PCDHGA1: variants seen among roughly 807,000 people sequenced by gnomAD.
PCDHGA1 encodes protocadherin gamma subfamily A, 1, also known as protocadherin gamma-A1.
A neutral mutation model predicts 58.0 loss-of-function variants in PCDHGA1; 32 were observed. The ratio of observed to expected loss-of-function variants is 0.55; its 90% CI spans 0.42 to 0.74. PCDHGA1 has a LOEUF of 0.74. Ranked by LOEUF, PCDHGA1 falls within the 30% of genes least tolerant of loss-of-function variation. PCDHGA1 has a pLI of 0.00. For missense variants in PCDHGA1, 1,205 were observed against 1,182.3 expected (o/e 1.02, Z -0.28); for synonymous variants, 498 against 501.1 (o/e 0.99, Z 0.08).
rs754225999 is a variant in PCDHGA1, at chr5:141,489,509, T to C, written c.2422-5298T>C. The C allele has an allele frequency of 1.2e-6, 2 of 1,614,062 alleles. No homozygotes were observed. The highest frequency in any genetic ancestry group is 1.1e-5 in the South Asian group (1 of 91,074). On this transcript the variant is annotated intron_variant, in intron 1 of 3. Coordinates refer to ENST00000517417, the MANE Select transcript of PCDHGA1 (RefSeq NM_018912.3). The surrounding 1 kb of genome is among the most constrained non-coding windows in gnomAD (Gnocchi z 4.5). ...GGTGCCCTGGCAGTGAATCAAAAGA[T>C]TGACCGAGAAAGCCTATGTGGAGCC...
chr5:141,409,706 T>A, intron 1 of PCDHGA1: 1 of 1,613,210 alleles, frequency 6.2e-7, no homozygotes, highest in Non-Finnish European at 8.5e-7. Context: ...CCTGGCGGTG[T>A]CGTCATACGT....
intron 2 of PCDHGA1, among the ~76,000 whole-genome samples, chr5:141,504,999 T>C (rs1278633184): frequency 6.6e-6 from 1 of 152,000 alleles, no homozygotes; most frequent in African/African-American, 2.4e-5. Context: ...CCGTCTGTAC[T>C]AAAAATACAA....
intron 1 of PCDHGA1, chr5:141,390,317 C>T: frequency 1.2e-6 from 2 of 1,610,390 alleles, no homozygotes; most frequent in Non-Finnish European, 1.7e-6. Context: ...ATGCTCATTG[C>T]CTACCCATTT....
Position 141,432,058 on chromosome 5 carries a change from C to T in PCDHGA1, c.2422-62749C>T, listed in dbSNP as rs2097444209. On this transcript the variant is annotated intron_variant, in intron 1 of 3. Coordinates refer to ENST00000517417, the MANE Select transcript of PCDHGA1 (RefSeq NM_018912.3). The surrounding 1 kb of genome is among the most constrained non-coding windows in gnomAD (Gnocchi z 6.0). ...CTGACCGGGGAACCCCGCCCCTATC[C>T]ACGGAAACTCATATCTCGCTGAACG... 1 of 1,614,210 alleles carries T rather than the reference C, an allele frequency of 6.2e-7. No individual in the cohort carries two copies.
In PCDHGA1 at chr5:141,360,245, T is replaced by C. The variant is rs201518165; in HGVS notation, c.2421+27140T>C. On this transcript the variant is annotated intron_variant, in intron 1 of 3. Coordinates refer to ENST00000517417, the MANE Select transcript of PCDHGA1 (RefSeq NM_018912.3). ...CTCCCAGTCCAGATCCGCTATTCAA[T>C]TCCAGAGGAGCTGGCCAAAAACTCG... is the stretch of plus-strand genomic sequence containing the variant. 643 of 1,613,842 alleles carry C rather than the reference T, an allele frequency of 4.0e-4. 1 individual carries two copies. The highest frequency in any genetic ancestry group is 6.6e-4 in the Middle Eastern group (4 of 6,084).
At chr5:141,341,221 G>A in intron 1 of PCDHGA1, 2 of 1,614,232 alleles carry the variant, frequency 1.2e-6, no homozygotes, top group African/African-American at 1.3e-5. Flanking sequence ...GGGCTTTCCT[G>A]CAGACCTATT....
intron 1 of PCDHGA1, among the ~76,000 whole-genome samples, chr5:141,483,203 A>T (rs940487337): frequency 1.3e-5 from 2 of 152,204 alleles, no homozygotes; most frequent in African/African-American, 2.4e-5. Flanking sequence ...ATTTTATTCC[A>T]TATAGATGAC....
intron 1 of PCDHGA1, chr5:141,421,168 A>G: frequency 1.5e-6 from 2 of 1,331,612 alleles, no homozygotes; most frequent in South Asian, 1.5e-5. Context: ...TCATAGATAC[A>G]TAAGCCGATT....
chr5:141,430,395 A>C (rs1461176471), intron 1 of PCDHGA1, among the ~76,000 whole-genome samples: 1 of 152,096 alleles, frequency 6.6e-6, no homozygotes, highest in Non-Finnish European at 1.5e-5. Context: ...AAAAAAAAAA[A>C]AGCTCACTAA....
At chr5:141,436,200 T>C (rs1266606536) in intron 1 of PCDHGA1, among the ~76,000 whole-genome samples, 1 of 152,014 alleles carries the variant, frequency 6.6e-6, no homozygotes, top group African/African-American at 2.4e-5. Context: ...AAGAAAGACA[T>C]AATAGGAAAA....
At chr5:141,399,409 CT>C in intron 1 of PCDHGA1, 2 of 1,614,052 alleles carry the variant, frequency 1.2e-6, no homozygotes, top group South Asian at 2.2e-5. Flanking sequence ...CAAGCCGCCC[CT>C]CTCCTCCAGC....
chr5:141,450,085 C>T (rs997781052), intron 1 of PCDHGA1, among the ~76,000 whole-genome samples: 3 of 149,208 alleles, frequency 2.0e-5, no homozygotes, highest in Non-Finnish European at 4.4e-5. Context: ...TGGCTCACTG[C>T]AACCTCCGCC....
chr5:141,421,791 T>TG, intron 1 of PCDHGA1: 1 of 1,613,792 alleles, frequency 6.2e-7, no homozygotes, highest in Non-Finnish European at 8.5e-7. Flanking sequence ...GCAGAACGGA[T>TG]GGGGCCAAGA....
intron 1 of PCDHGA1, chr5:141,408,014 C>G (rs2095025916): frequency 5.0e-6 from 5 of 1,001,096 alleles, no homozygotes; most frequent in Non-Finnish European, 7.0e-6. Flanking sequence ...CCTGCGCAGC[C>G]AACAACAGAA....
intron 1 of PCDHGA1, chr5:141,427,758 A>T: frequency 7.4e-7 from 1 of 1,345,378 alleles, no homozygotes; most frequent in Non-Finnish European, 1.1e-6. Context: ...CATCGTTACC[A>T]CTGACTTGGA....
chr5:141,403,083 T>C lies in PCDHGA1; in HGVS notation c.2421+69978T>C, dbSNP rs775664314. 7 of 1,613,932 alleles carry C rather than the reference T, an allele frequency of 4.3e-6. No individual in the cohort carries two copies. The highest frequency in any genetic ancestry group is 2.7e-5 in the African/African-American group (2 of 74,948). ...CCTGAAGAGACAGAAAAGGGCTATATTGTGGGCAACATCTCCAAGGACCTG... is the reference window on the plus strand; with the variant it reads ...CCTGAAGAGACAGAAAAGGGCTATACTGTGGGCAACATCTCCAAGGACCTG... On this transcript the variant is annotated intron_variant, in intron 1 of 3. Transcript: ENST00000517417.
At chr5:141,403,688 A>G (rs1385402830) in intron 1 of PCDHGA1, 1 of 1,613,836 alleles carries the variant, frequency 6.2e-7, no homozygotes, top group Non-Finnish European at 8.5e-7. Flanking sequence ...TGCTCAACGG[A>G]TTTACCGAGT....
At chr5:141,393,082 TAGATCGGG>T in intron 1 of PCDHGA1, 1 of 1,613,652 alleles carries the variant, frequency 6.2e-7, no homozygotes, top group Non-Finnish European at 8.5e-7. Flanking sequence ...GCGGGCAGGA[TAGATCGGG>T]AGGAGCTCTG....
chr5:141,392,855 C>T (rs756361613), intron 1 of PCDHGA1: 1 of 1,612,176 alleles, frequency 6.2e-7, no homozygotes, highest in Non-Finnish European at 8.5e-7. Flanking sequence ...GCGAGCTGAT[C>T]CTGCTGTGCG....
Sources: gnomAD v4.1 joint callset for allele counts (sites outside exome capture counted in the v4.1 genomes callset) on GRCh38, gnomAD v4.1.1 for gene constraint, Gnocchi (gnomAD v3.1) non-coding constraint, MANE v1.5 for transcripts, NCBI Gene and HGNC (gene_info 2026-07-23, HGNC 2026-07-21) for gene names.